Variants in DOK5 observed in about 807,000 individuals in gnomAD.
DOK5 encodes the protein docking protein 5, also known as downstream of tyrosine kinase 5.
In DOK5, 27 loss-of-function variants were observed where a neutral mutation model predicts 43.3. The observed-to-expected ratio is 0.62, with a 90% CI of 0.46 to 0.86. DOK5 has a LOEUF of 0.86. Among genes scored for constraint, DOK5 ranks in the 40% least tolerant of loss-of-function variants. The pLI is 0.00. For missense variants in DOK5, 373 were observed against 392.9 expected (o/e 0.95, Z 0.43); for synonymous variants, 146 against 140.1 (o/e 1.04, Z -0.30).
chr20:54,528,139 C>T (rs189482916), intron 1 of DOK5, among the ~76,000 whole-genome samples: 22 of 152,130 alleles, frequency 1.4e-4, no homozygotes, highest in Non-Finnish European at 2.9e-4. Context: ...ACCTGTGGGG[C>T]GAGGTTGCAG....
chr20:54,524,487 T>C (rs1983515794), intron 1 of DOK5, among the ~76,000 whole-genome samples: 1 of 152,218 alleles, frequency 6.6e-6, no homozygotes, highest in Non-Finnish European at 1.5e-5. Flanking sequence ...GAAAATCTAT[T>C]AGCTGTGACT....
At chr20:54,632,799 G>A (rs1016344364) in intron 6 of DOK5, among the ~76,000 whole-genome samples, 5 of 152,134 alleles carry the variant, frequency 3.3e-5, no homozygotes, top group Non-Finnish European at 5.9e-5. Context: ...ATTCCTGGCC[G>A]GGAGCAGTGG....
intron 6 of DOK5, among the ~76,000 whole-genome samples, chr20:54,615,656 A>G (rs1311177932): frequency 6.6e-6 from 1 of 152,196 alleles, no homozygotes; most frequent in African/African-American, 2.4e-5. Flanking sequence ...TCATGCCTGT[A>G]ATCCCAACAC....
chr20:54,505,168 T>C (rs1982758190), intron 1 of DOK5, among the ~76,000 whole-genome samples: 1 of 152,168 alleles, frequency 6.6e-6, no homozygotes, highest in Non-Finnish European at 1.5e-5. Context: ...GTAGGGATAT[T>C]ATAGGCTCCA....
chr20:54,590,916 G>A (rs955421808), intron 4 of DOK5, among the ~76,000 whole-genome samples: 1 of 152,144 alleles, frequency 6.6e-6, no homozygotes, highest in African/African-American at 2.4e-5. Context: ...GACTGTATCT[G>A]CAGGGATGAA....
chr20:54,555,911 A>G (rs778991065), intron 2 of DOK5, among the ~76,000 whole-genome samples: 6 of 152,248 alleles, frequency 3.9e-5, no homozygotes, highest in Non-Finnish European at 8.8e-5. Context: ...CTATTAGAAC[A>G]GAAACTTGGC....
intron 1 of DOK5, among the ~76,000 whole-genome samples, chr20:54,540,460 A>G (rs1336016987): frequency 1.3e-5 from 2 of 152,198 alleles, no homozygotes; most frequent in Admixed American, 6.5e-5. Flanking sequence ...GCTGGATGGT[A>G]TGAACTGCTA....
At chr20:54,519,579 C>A (rs1983320013) in intron 1 of DOK5, among the ~76,000 whole-genome samples, 1 of 152,018 alleles carries the variant, frequency 6.6e-6, no homozygotes, top group Admixed American at 6.6e-5. Flanking sequence ...TCATTTAGGT[C>A]AAAGTTTCAA....
At chr20:54,510,096 T>C (rs1982964244) in intron 1 of DOK5, among the ~76,000 whole-genome samples, 1 of 152,182 alleles carries the variant, frequency 6.6e-6, no homozygotes, top group Admixed American at 6.5e-5. Context: ...CCTGCACATG[T>C]ACCGCAGAAC....
intron 1 of DOK5, among the ~76,000 whole-genome samples, chr20:54,502,941 G>T (rs1335341600): frequency 1.3e-5 from 2 of 152,114 alleles, no homozygotes; most frequent in African/African-American, 4.8e-5. Context: ...GCAAATTAAA[G>T]TGGAGCAAGT....
At chr20:54,490,819 A>G (rs532998757) in intron 1 of DOK5, among the ~76,000 whole-genome samples, 28 of 152,218 alleles carry the variant, frequency 1.8e-4, no homozygotes, top group Non-Finnish European at 3.4e-4. Flanking sequence ...CGATCTCTTG[A>G]CCTTGTGATC....
intron 1 of DOK5, among the ~76,000 whole-genome samples, chr20:54,480,599 T>A (rs142587624): frequency 0.012 from 1,782 of 152,344 alleles, 16 homozygotes; most frequent in Middle Eastern, 0.037. Flanking sequence ...TTTACTTTCC[T>A]AATAAACTTG....
intron 6 of DOK5, among the ~76,000 whole-genome samples, chr20:54,630,125 G>C (rs776544553): frequency 6.6e-6 from 1 of 152,204 alleles, no homozygotes; most frequent in Non-Finnish European, 1.5e-5. Context: ...GGGGTGCCCA[G>C]AGCAAGGGTA....
At chr20:54,631,800 C>A (rs566820447) in intron 6 of DOK5, among the ~76,000 whole-genome samples, 4 of 152,136 alleles carry the variant, frequency 2.6e-5, no homozygotes, top group African/African-American at 9.6e-5. Flanking sequence ...GGTGAAACCC[C>A]GCCTGTAGTA....
At chr20:54,555,679 GA>G (rs1303767989) in intron 2 of DOK5, 7 of 152,226 alleles carry the variant, frequency 4.6e-5, no homozygotes, top group Admixed American at 2.6e-4. Flanking sequence ...CTTTTTTCAT[GA>G]AAACGTGTGA....
Position 54,577,686 on chromosome 20 carries a change from C to T in DOK5, c.175-10797C>T, listed in dbSNP as rs74601593. On this transcript the variant is annotated intron_variant, in intron 2 of 7. Transcript: ENST00000262593. ...AGTTTACAGCAACACATCTTTATCT[C>T]TCACTCTTGTTACATGAGGGGTCTG... Among the ~76,000 whole-genome samples, 655 of 152,306 alleles carry T rather than the reference C, an allele frequency of 4.3e-3. 4 individuals are homozygous for T. The highest frequency in any genetic ancestry group is 0.015 in the African/African-American group (629 of 41,568).
intron 2 of DOK5, among the ~76,000 whole-genome samples, chr20:54,569,994 A>G (rs1985233272): frequency 6.6e-6 from 1 of 152,194 alleles, no homozygotes. Flanking sequence ...GGGTCCTGGG[A>G]GGAGCTTGGA....
chr20:54,494,040 A>G (rs1390328880), intron 1 of DOK5, among the ~76,000 whole-genome samples: 1 of 152,244 alleles, frequency 6.6e-6, no homozygotes, highest in African/African-American at 2.4e-5. Context: ...CTATTTAAAA[A>G]TACTTGTTTT....
intron 1 of DOK5, among the ~76,000 whole-genome samples, chr20:54,526,818 T>C (rs1983592805): frequency 6.6e-6 from 1 of 152,206 alleles, no homozygotes; most frequent in African/African-American, 2.4e-5. Context: ...CCTTTCTGAA[T>C]ACCAGAGAAA....
Sources: gnomAD v4.1 joint callset for allele counts (sites outside exome capture counted in the v4.1 genomes callset) on GRCh38, gnomAD v4.1.1 for gene constraint, MANE v1.5 for transcripts, NCBI Gene and HGNC (gene_info 2026-07-23, HGNC 2026-07-21) for gene names.